The following IL12RB1 variants were observed in gnomAD, a reference collection of about 807,000 sequenced individuals.
IL12RB1 encodes the protein interleukin-12 receptor subunit beta-1.
In IL12RB1, 64 loss-of-function variants were observed where a neutral mutation model predicts 94.4. That is an observed-to-expected ratio of 0.68 (90% CI 0.55 to 0.83). The LOEUF (loss-of-function observed/expected upper bound fraction) is 0.83. Ranked by LOEUF, IL12RB1 falls within the 40% of genes least tolerant of loss-of-function variation. The pLI, the probability that IL12RB1 is intolerant of heterozygous loss-of-function variation, is 0.00. For synonymous variants in IL12RB1, 362 were observed against 355.5 expected, an observed-to-expected ratio of 1.02 and a Z score of -0.21; for missense variants, 814 against 855.6, an observed-to-expected ratio of 0.95 and a Z score of 0.61.
At chr19:18,074,055 C>A (rs931305245) in intron 7 of IL12RB1, among the ~76,000 whole-genome samples, 2 of 152,168 alleles carry the variant, frequency 1.3e-5, no homozygotes, top group Non-Finnish European at 2.9e-5. Flanking sequence ...GAACTCCTGA[C>A]CTTGTGATCC....
intron 1 of IL12RB1, among the ~76,000 whole-genome samples, chr19:18,093,612 C>T (rs533392174): frequency 2.0e-5 from 3 of 152,200 alleles, no homozygotes; most frequent in East Asian, 1.9e-4. Flanking sequence ...CAGTCAAAGC[C>T]CCAGGGAGGG....
chr19:18,068,431 A>G lies in IL12RB1; in HGVS notation c.1285T>C (p.Leu429=), dbSNP rs759893194. The part of the protein sequence containing the change: ...FASAHPEKLT[L]WSTVLSTYHF... Reference sequence around the variant, plus strand: ...TAGGTGGACAGGACCGTAGACCACAAGGTGAGCTTCTCGGGGTGCGCAGAG... The same window carrying G: ...TAGGTGGACAGGACCGTAGACCACAGGGTGAGCTTCTCGGGGTGCGCAGAG... The change falls in exon 11 of 17, where the codon TTG becomes CTG. Residue 429 remains leucine (L), a synonymous_variant. Transcript: ENST00000593993. 4.3e-6 allele frequency: 7 copies of G among 1,613,558 alleles called. No individual in the cohort carries two copies. In the East Asian group the frequency reaches 1.3e-4, roughly 31 times the overall value.
At position 18,086,743 on chromosome 19, in the gene IL12RB1, A is replaced by G; in HGVS notation, c.64+17T>C. On this transcript the variant is annotated intron_variant, in intron 1 of 16. Transcript: ENST00000593993. Reference sequence around the variant, plus strand: ...ACCCAGCAAGAGGAGCCGCCATGCCAGGGTCAGGGGACTCACCGCCCTGCC... The same window carrying G: ...ACCCAGCAAGAGGAGCCGCCATGCCGGGGTCAGGGGACTCACCGCCCTGCC... 2 of 1,605,040 alleles carry G rather than the reference A, an allele frequency of 1.2e-6. No homozygotes were observed. The highest frequency in any genetic ancestry group is 2.2e-5 in the South Asian group (2 of 89,748).
intron 12 of IL12RB1, among the ~76,000 whole-genome samples, chr19:18,065,535 G>A (rs915390544): frequency 1.1e-4 from 17 of 151,668 alleles, no homozygotes; most frequent in African/African-American, 3.9e-4. Context: ...CAGCCTGAGC[G>A]AGGCCGGACA....
chr19:18,066,600 G>A lies in IL12RB1; in HGVS notation c.1425C>T (p.Pro475=), dbSNP rs1212402265. Residue 475 remains proline (P), a synonymous_variant, in exon 12 of 17, where the codon CCC becomes CCT. Transcript: ENST00000593993. The part of the protein sequence containing the change: ...DWAPSLLSTC[P]GVLKEYVVRC... ...GGACAACATACTCCTTTAGGACGCC[G>A]GGACAGGTGCTCAGCAGGGATGGTG... is the stretch of plus-strand genomic sequence containing the variant. The A allele has an allele frequency of 5.6e-6, 9 of 1,613,314 alleles. No homozygotes were observed. The East Asian group carries it at 8.9e-5, about 16-fold the overall frequency.
intron 9 of IL12RB1, chr19:18,071,429 G>A: frequency 1.5e-6 from 1 of 649,828 alleles, no homozygotes; most frequent in Admixed American, 2.9e-5. Context: ...TTTTGAAAAA[G>A]AGTGTAGCTC....
chr19:18,087,811 C>T (rs192582009), upstream of IL12RB1, among the ~76,000 whole-genome samples: 55 of 152,228 alleles, frequency 3.6e-4, no homozygotes, highest in African/African-American at 9.6e-4. Context: ...CGTGAGCCAC[C>T]GCACCGGGCC....
intron 12 of IL12RB1, among the ~76,000 whole-genome samples, chr19:18,066,092 T>G (rs1023883386): frequency 5.3e-5 from 8 of 151,512 alleles, no homozygotes; most frequent in Non-Finnish European, 1.0e-4. Flanking sequence ...TTGTTTTTGT[T>G]TTTTGTTTGT....
intron 7 of IL12RB1, among the ~76,000 whole-genome samples, chr19:18,073,947 T>G (rs2035262947): frequency 6.6e-6 from 1 of 152,084 alleles, no homozygotes; most frequent in African/African-American, 2.4e-5. Context: ...GCCTCAGCCT[T>G]CCAAGTAGCT....
At chr19:18,095,750 G>C (rs759375993) in intron 1 of IL12RB1, among the ~76,000 whole-genome samples, 16 of 152,074 alleles carry the variant, frequency 1.1e-4, no homozygotes, top group Admixed American at 2.0e-4. Flanking sequence ...ATTTTTATTT[G>C]CTCAATCTGG....
chr19:18,061,873 A>T (rs2034160478), intron 14 of IL12RB1, among the ~76,000 whole-genome samples: 1 of 151,952 alleles, frequency 6.6e-6, no homozygotes, highest in African/African-American at 2.4e-5. Context: ...AAAAAAGAAA[A>T]AAAAAAGAAA....
intron 1 of IL12RB1, among the ~76,000 whole-genome samples, chr19:18,085,443 C>A (rs17878488): frequency 0.022 from 3,393 of 151,178 alleles, 56 homozygotes; most frequent in Non-Finnish European, 0.033. Context: ...TGCCTCTCGC[C>A]CCCTCCCTGC....
At chr19:18,075,509 C>T (rs1054611007) in intron 7 of IL12RB1, among the ~76,000 whole-genome samples, 5 of 152,124 alleles carry the variant, frequency 3.3e-5, no homozygotes, top group East Asian at 3.9e-4. Flanking sequence ...GATCTGCCCG[C>T]CTCAGCCTCC....
chr19:18,064,911 T>C (rs1368683865), intron 12 of IL12RB1, among the ~76,000 whole-genome samples: 1 of 152,164 alleles, frequency 6.6e-6, no homozygotes, highest in Admixed American at 6.6e-5. Context: ...CCCACCAGTG[T>C]GCCATGTCAG....
intron 1 of IL12RB1, among the ~76,000 whole-genome samples, chr19:18,085,842 C>T (rs907778049): frequency 4.0e-5 from 6 of 151,886 alleles, no homozygotes; most frequent in African/African-American, 1.4e-4. Flanking sequence ...CTCCTGACCT[C>T]AAGTGATCCA....
At chr19:18,077,724 C>T (rs2035591845) in intron 4 of IL12RB1, 69 bp from the exon 5 acceptor site, 10 of 962,468 alleles carry the variant, frequency 1.0e-5, no homozygotes, top group South Asian at 5.2e-5. Context: ...CCTGAAAATC[C>T]ACCCTGTCCA....
chr19:18,064,407 G>A (rs1599457704), intron 12 of IL12RB1, among the ~76,000 whole-genome samples: 2 of 151,468 alleles, frequency 1.3e-5, no homozygotes, highest in Non-Finnish European at 2.9e-5. Context: ...CCAAAGTGCT[G>A]GGATTACAGG....
intron 12 of IL12RB1, 113 bp downstream of exon 12, chr19:18,066,429 G>A: frequency 1.4e-6 from 1 of 731,776 alleles, no homozygotes; most frequent in East Asian, 2.6e-5. Flanking sequence ...TTAAGGGTTT[G>A]ATAACCAAGG....
At chr19:18,065,798 G>A (rs1328554173) in intron 12 of IL12RB1, among the ~76,000 whole-genome samples, 3 of 150,086 alleles carry the variant, frequency 2.0e-5, no homozygotes, top group South Asian at 4.2e-4. Flanking sequence ...CAGCCTGGGT[G>A]ACAGAGACAG....
Sources: gnomAD v4.1 joint callset for allele counts (sites outside exome capture counted in the v4.1 genomes callset) on GRCh38, gnomAD v4.1.1 for gene constraint, MANE v1.5 for transcripts, NCBI Gene and HGNC (gene_info 2026-07-23, HGNC 2026-07-21) for gene names.